DCC: variants seen among roughly 807,000 people sequenced by gnomAD.
The protein encoded by DCC is DCC netrin 1 receptor.
In DCC, 58 loss-of-function variants were observed where a neutral mutation model predicts 172.5. The ratio of observed to expected loss-of-function variants is 0.34; its 90% confidence interval spans 0.27 to 0.42. The LOEUF (loss-of-function observed/expected upper bound fraction) is 0.42, where lower values mean the gene tolerates loss of function less well. DCC is among the 10% of genes least tolerant of loss of function. The pLI, the probability that DCC is intolerant of heterozygous loss-of-function variation, is 1.00. For missense variants in DCC, 1,740 were observed against 1,791.0 expected (o/e 0.97, Z 0.51); for synonymous variants, 709 against 644.5 (o/e 1.10, Z -1.52).
intron 15 of DCC, among the ~76,000 whole-genome samples, chr18:53,362,555 C>T (rs1187848831): frequency 2.0e-5 from 3 of 152,240 alleles, no homozygotes; most frequent in African/African-American, 7.2e-5. Flanking sequence ...GAAGAGAAAA[C>T]AGATCTTGTC....
chr18:52,928,181 A>G (rs773016127), intron 5 of DCC, among the ~76,000 whole-genome samples: 15 of 152,122 alleles, frequency 9.9e-5, no homozygotes, highest in Non-Finnish European at 2.2e-4. Flanking sequence ...GCATTTTCCT[A>G]TTTATAAGTG....
chr18:53,505,778 G>A (rs1240615612), intron 27 of DCC, among the ~76,000 whole-genome samples: 3 of 152,342 alleles, frequency 2.0e-5, no homozygotes, highest in East Asian at 3.9e-4. Context: ...ATACTGCAGA[G>A]TGGGTGGCCG....
At chr18:53,360,810 G>T (rs2057936994) in intron 15 of DCC, among the ~76,000 whole-genome samples, 1 of 152,136 alleles carries the variant, frequency 6.6e-6, no homozygotes, top group Admixed American at 6.5e-5. Context: ...TCTTCTACAA[G>T]CATTTAGGGG....
chr18:52,816,471 C>T (rs1226402036), intron 2 of DCC, among the ~76,000 whole-genome samples: 4 of 152,178 alleles, frequency 2.6e-5, no homozygotes, highest in African/African-American at 9.7e-5. Context: ...GTACAGAATT[C>T]ATCAGTATAT....
At chr18:52,649,064 A>C (rs1461424289) in intron 1 of DCC, among the ~76,000 whole-genome samples, 1 of 152,180 alleles carries the variant, frequency 6.6e-6, no homozygotes, top group Non-Finnish European at 1.5e-5. Context: ...AAATACGCAG[A>C]AGAACTGTAA....
intron 2 of DCC, among the ~76,000 whole-genome samples, chr18:52,755,867 C>T (rs1379900791): frequency 6.6e-6 from 1 of 152,204 alleles, no homozygotes; most frequent in Admixed American, 6.5e-5. Context: ...TCAGTCAGCA[C>T]ATTTTACACA....
intron 1 of DCC, among the ~76,000 whole-genome samples, chr18:52,405,085 C>G (rs1418707220): frequency 1.3e-5 from 2 of 151,362 alleles, no homozygotes. Flanking sequence ...CGGTTGGTTC[C>G]AAGTCTTTGC....
At chr18:53,456,951 G>A (rs1181847250) in intron 23 of DCC, among the ~76,000 whole-genome samples, 1 of 152,060 alleles carries the variant, frequency 6.6e-6, no homozygotes, top group South Asian at 2.1e-4. Context: ...GAGGTTGGAG[G>A]GACAAAAGAA....
At chr18:52,485,723 A>C (rs905724782) in intron 1 of DCC, among the ~76,000 whole-genome samples, 1 of 152,164 alleles carries the variant, frequency 6.6e-6, no homozygotes, top group African/African-American at 2.4e-5. Context: ...GTGTTAACAA[A>C]TAACTAGAGT....
chr18:53,343,801 G>A (rs2057689324), intron 15 of DCC, among the ~76,000 whole-genome samples: 1 of 151,748 alleles, frequency 6.6e-6, no homozygotes, highest in African/African-American at 2.4e-5. Flanking sequence ...TTTTTTATAG[G>A]AAGGCTTTGA....
chr18:52,369,447 C>T (rs1985019899), intron 1 of DCC, among the ~76,000 whole-genome samples: 3 of 151,708 alleles, frequency 2.0e-5, no homozygotes, highest in African/African-American at 7.3e-5. Context: ...CATTTCTTAC[C>T]ATTTGTGTTG....
chr18:53,305,887 C>G (rs2057194595), intron 13 of DCC, among the ~76,000 whole-genome samples, 168 bp downstream of exon 13: 1 of 152,182 alleles, frequency 6.6e-6, no homozygotes, highest in African/African-American at 2.4e-5. Context: ...TTTACATTCT[C>G]TATAATGTTT....
chr18:52,836,000 A>T (rs1267338072), intron 2 of DCC, among the ~76,000 whole-genome samples: 1 of 152,224 alleles, frequency 6.6e-6, no homozygotes, highest in Non-Finnish European at 1.5e-5. Context: ...AGGCCTCAGG[A>T]AACTTACAAT....
chr18:52,427,930 C>T (rs1188034910), intron 1 of DCC, among the ~76,000 whole-genome samples: 2 of 148,282 alleles, frequency 1.3e-5, no homozygotes, highest in East Asian at 2.0e-4. Flanking sequence ...TATTATCTCA[C>T]GCAGCTGATC....
At chr18:53,439,858 G>A (rs982666683) in intron 22 of DCC, among the ~76,000 whole-genome samples, 5 of 144,646 alleles carry the variant, frequency 3.5e-5, no homozygotes, top group Admixed American at 2.1e-4. Context: ...TCCGCCTCCC[G>A]GGTTCACGCC....
chr18:52,498,287 G>T (rs1378327289), intron 1 of DCC, among the ~76,000 whole-genome samples: 1 of 152,122 alleles, frequency 6.6e-6, no homozygotes, highest in African/African-American at 2.4e-5. Context: ...GTCTTAGGCT[G>T]CTTGGGCTGC....
chr18:52,832,617 A>G (rs2038635882), intron 2 of DCC, among the ~76,000 whole-genome samples: 2 of 152,154 alleles, frequency 1.3e-5, no homozygotes, highest in Admixed American at 1.3e-4. Flanking sequence ...TAAGTTTGGT[A>G]GACTCTACTA....
intron 2 of DCC, among the ~76,000 whole-genome samples, chr18:52,752,838 T>C (rs1274101756): frequency 6.6e-6 from 1 of 152,162 alleles, no homozygotes; most frequent in Admixed American, 6.5e-5. Context: ...TACCTGTAAG[T>C]GAGATCATGC....
intron 1 of DCC, among the ~76,000 whole-genome samples, chr18:52,617,398 C>G (rs541047972): frequency 9.9e-5 from 15 of 152,188 alleles, no homozygotes; most frequent in African/African-American, 3.6e-4. Flanking sequence ...ATGTTAATGG[C>G]TGTGAGGAAT....
Sources: allele counts gnomAD v4.1 joint callset (sites outside exome capture counted in the v4.1 genomes callset), GRCh38; gene constraint gnomAD v4.1.1; transcripts MANE v1.5; gene names NCBI Gene and HGNC (gene_info 2026-07-23, HGNC 2026-07-21).